The following ACER1 variants were observed in gnomAD, a reference collection of about 807,000 sequenced individuals.
ACER1 encodes the protein CTB-180A7.3.
Under a neutral mutation model 24.9 loss-of-function variants are expected in ACER1, and 28 were observed. The observed-to-expected ratio is 1.13, with a 90% CI of 0.83 to 1.54. The LOEUF is 1.54. Ranked by LOEUF, ACER1 falls within the 40% of genes most tolerant of loss-of-function variation. The probability of loss-of-function intolerance (pLI) is 0.00; values close to 1 mark genes in which losing one functional copy is unlikely to be tolerated. For synonymous variants in ACER1, 132 were observed against 131.4 expected, an observed-to-expected ratio of 1.00 and a Z score of -0.03; for missense variants, 352 against 349.3, an observed-to-expected ratio of 1.01 and a Z score of -0.06.
chr19:6,356,753 C>A, the ACER1 span, among the ~76,000 whole-genome samples: 1 of 151,426 alleles, frequency 6.6e-6, no homozygotes, highest in Non-Finnish European at 1.5e-5. Context: ...AAAACATTAG[C>A]AGGTCCTGTT....
chr19:6,333,472 T>C lies in ACER1; in HGVS notation c.80A>G (p.Glu27Gly), dbSNP rs1187492635. The change falls in exon 1 of 6, where the codon GAG becomes GGG. Residue 27 changes from glutamate (E) to glycine (G), a missense_variant. Coordinates refer to ENST00000301452, the MANE Select transcript of ACER1 (RefSeq NM_133492.3). ...CCACGCACTCACCGTGTTGTAGAAC[T>C]CGGCCACCAGCTCCGAGTACTGGAA... ...SNFQYSELVA[E>G]FYNTFSNIPF... 3.1e-6 allele frequency: 5 copies of C among 1,591,044 alleles called. No homozygotes were observed. The highest frequency in any genetic ancestry group is 4.3e-6 in the Non-Finnish European group (5 of 1,167,986).
intron 4 of ACER1, 113 bp from the exon 5 acceptor site, chr19:6,307,403 GA>G (rs1286295574): frequency 7.8e-7 from 1 of 1,282,260 alleles, no homozygotes; most frequent in South Asian, 1.4e-5. Context: ...AGAAGGGAAA[GA>G]GCAGGAATTG....
chr19:6,306,683 G>T lies in ACER1; in HGVS notation c.*31C>A. 1 of 1,575,518 alleles carries T rather than the reference G, an allele frequency of 6.3e-7. No individual in the cohort carries two copies. The highest frequency in any genetic ancestry group is 1.2e-5 in the South Asian group (1 of 85,616). Reference sequence around the variant, plus strand: ...TTCTCAAGACACAGGCAAGTTGTTGGGTGGTTGGATAGTCAAGAGGCTGGC... The same window carrying T: ...TTCTCAAGACACAGGCAAGTTGTTGTGTGGTTGGATAGTCAAGAGGCTGGC... On this transcript the variant is annotated 3_prime_UTR_variant, in exon 6 of 6. Transcript: ENST00000301452.
At chr19:6,307,324 C>T (rs774946174) in intron 4 of ACER1, 34 bp from the exon 5 acceptor site, 30 of 1,611,038 alleles carry the variant, frequency 1.9e-5, no homozygotes, top group Non-Finnish European at 2.3e-5. Flanking sequence ...GGGGCTGGCT[C>T]GGAGAGCAGC....
At chr19:6,335,169 A>G (rs2091708343), upstream of ACER1, among the ~76,000 whole-genome samples, 1 of 145,950 alleles carries the variant, frequency 6.9e-6, no homozygotes, top group Non-Finnish European at 1.5e-5. Flanking sequence ...ATTATATATT[A>G]TATAATTTTT....
At chr19:6,319,610 C>T (rs150821671) in intron 1 of ACER1, among the ~76,000 whole-genome samples, 1,534 of 152,144 alleles carry the variant, frequency 0.01, 29 homozygotes, top group African/African-American at 0.033. Flanking sequence ...CCTGCCTTCT[C>T]GGGGTGTATA....
the ACER1 span, among the ~76,000 whole-genome samples, chr19:6,356,113 T>A: frequency 6.6e-6 from 1 of 151,154 alleles, no homozygotes; most frequent in African/African-American, 2.5e-5. Flanking sequence ...GACTTTTCAT[T>A]TTGTTCTGTA....
the ACER1 span, among the ~76,000 whole-genome samples, chr19:6,344,176 G>T: frequency 5.3e-5 from 8 of 152,036 alleles, no homozygotes; most frequent in African/African-American, 1.9e-4. Flanking sequence ...GGCTGAGGCA[G>T]GAGAATGGCC....
rs115570939 is a variant in ACER1 at position 6,309,841 on chromosome 19, A to T, written c.351-7T>A. The T allele has an allele frequency of 1.7e-4, 274 of 1,613,798 alleles. 1 individual carries two copies. The African/African-American group carries it at 3.3e-3, about 19-fold the overall frequency. On this transcript the variant is annotated splice_polypyrimidine_tract_variant and splice_region_variant and intron_variant, in intron 3 of 5. Coordinates refer to ENST00000301452, the MANE Select transcript of ACER1 (RefSeq NM_133492.3). ...CAGGCGGATGAACTGGGACCTGGGG[A>T]GGAAGGGGCTCAGCTGTAGGCGGGA...
chr19:6,326,853 C>T (rs1032782674), intron 1 of ACER1, among the ~76,000 whole-genome samples: 1 of 148,406 alleles, frequency 6.7e-6, no homozygotes, highest in South Asian at 2.2e-4. Context: ...ACCAAGCATG[C>T]GAACCGTTAC....
At chr19:6,336,061 C>T (rs1600247592), upstream of ACER1, among the ~76,000 whole-genome samples, 1 of 151,792 alleles carries the variant, frequency 6.6e-6, no homozygotes, top group African/African-American at 2.4e-5. Context: ...CCAGCATGCC[C>T]GGCTAATTTT....
intron 1 of ACER1, among the ~76,000 whole-genome samples, chr19:6,322,836 C>T (rs115421803): frequency 0.035 from 5,356 of 152,078 alleles, 326 homozygotes; most frequent in African/African-American, 0.12. Context: ...TTCAGCCGGG[C>T]GTGGTGGCTA....
At chr19:6,356,061 C>A in the ACER1 span, among the ~76,000 whole-genome samples, 1 of 151,374 alleles carries the variant, frequency 6.6e-6, no homozygotes, top group East Asian at 1.9e-4. Context: ...ATTGAGAAAT[C>A]GGATGGTTGC....
At chr19:6,339,762 G>T in the ACER1 span, among the ~76,000 whole-genome samples, 4 of 151,956 alleles carry the variant, frequency 2.6e-5, no homozygotes, top group African/African-American at 4.8e-5. Context: ...CCGCCTCCCG[G>T]GTTCACGCCA....
intron 1 of ACER1, among the ~76,000 whole-genome samples, chr19:6,318,799 A>G (rs1379108130): frequency 6.7e-6 from 1 of 148,250 alleles, no homozygotes; most frequent in Non-Finnish European, 1.5e-5. Flanking sequence ...AAAAATAAAT[A>G]AATAAATAAA....
At chr19:6,341,293 G>A in the ACER1 span, among the ~76,000 whole-genome samples, 6 of 149,274 alleles carry the variant, frequency 4.0e-5, no homozygotes, top group African/African-American at 1.5e-4. Context: ...CTGGGCAACA[G>A]AGCGAGACTC....
upstream of ACER1, among the ~76,000 whole-genome samples, chr19:6,335,960 G>C (rs1315379755): frequency 6.7e-6 from 1 of 149,854 alleles, no homozygotes; most frequent in African/African-American, 2.5e-5. Context: ...GAGTGCAATG[G>C]CATGATCTCA....
At chr19:6,309,489 T>G (rs1308725505) in intron 4 of ACER1, among the ~76,000 whole-genome samples, 2 of 151,780 alleles carry the variant, frequency 1.3e-5, no homozygotes. Context: ...GCCCCTGCAC[T>G]CCAGCCTGGG....
At position 6,331,730 on chromosome 19, in the gene ACER1, G is replaced by A. The variant is rs150280753; in HGVS notation, c.93+1729C>T. 3.3e-3 allele frequency among the ~76,000 whole-genome samples: 497 copies of A among 151,836 alleles called. 1 individual carries two copies. Among genetic ancestry groups the A allele is most frequent in the Non-Finnish European group, 5.2e-3 (351 of 67,964 alleles). On this transcript the variant is annotated intron_variant, in intron 1 of 5. Coordinates refer to ENST00000301452, the MANE Select transcript of ACER1 (RefSeq NM_133492.3). ...AATGGCTTGAACGCGGGAGGCAGAG[G>A]TTGCAGTGAGCCGAGATCGCGCCAT...
Sources: allele counts gnomAD v4.1 joint callset (sites outside exome capture counted in the v4.1 genomes callset), GRCh38; gene constraint gnomAD v4.1.1; transcripts MANE v1.5; gene names NCBI Gene and HGNC (gene_info 2026-07-23, HGNC 2026-07-21).